Variants in IQSEC1 observed in about 807,000 individuals in gnomAD.
IQSEC1 encodes the protein IQ motif and SEC7 domain-containing protein 1.
IQSEC1 carries 31 observed loss-of-function variants against 91.0 expected under a neutral mutation model. That is an observed-to-expected ratio of 0.34 (90% CI 0.26 to 0.46). IQSEC1 has a LOEUF of 0.46. Among genes scored for constraint, IQSEC1 ranks in the 20% least tolerant of loss-of-function variants. The probability of loss-of-function intolerance (pLI) is 1.00; values close to 1 mark genes in which losing one functional copy is unlikely to be tolerated. For synonymous variants in IQSEC1, 699 were observed against 662.6 expected (o/e 1.05, Z -0.84); for missense variants, 1,388 against 1,575.6 (o/e 0.88, Z 2.02).
At chr3:13,097,527 G>T (rs989854975) in intron 2 of IQSEC1, among the ~76,000 whole-genome samples, 1 of 152,194 alleles carries the variant, frequency 6.6e-6, no homozygotes, top group African/African-American at 2.4e-5. Flanking sequence ...TCGAGCCTCA[G>T]TCTTTCCATC....
chr3:12,932,362 T>A (rs1398668665), intron 3 of IQSEC1, among the ~76,000 whole-genome samples: 1 of 152,154 alleles, frequency 6.6e-6, no homozygotes, highest in South Asian at 2.1e-4. Context: ...AGTTCCTACA[T>A]CATGGATTTT....
chr3:13,163,859 C>G (rs1290010004), intron 2 of IQSEC1, among the ~76,000 whole-genome samples: 1 of 152,156 alleles, frequency 6.6e-6, no homozygotes, highest in African/African-American at 2.4e-5. Flanking sequence ...TAGGTGATCT[C>G]TGCAGAGGTC....
chr3:13,115,058 G>C lies in IQSEC1; in HGVS notation c.302+49046C>G, dbSNP rs138074644. 3.3e-3 allele frequency among the ~76,000 whole-genome samples: 500 copies of C among 152,292 alleles called. 10 individuals carry two copies. The highest frequency in any genetic ancestry group is 0.029 in the East Asian group (152 of 5,170). ...GGCAGGGGGGCTGTGGGGGCTGGAAGCTCAGGTGCGGCCTTGAATGTAGAG... is the reference window on the plus strand; with the variant it reads ...GGCAGGGGGGCTGTGGGGGCTGGAACCTCAGGTGCGGCCTTGAATGTAGAG... On this transcript the variant is annotated intron_variant, in intron 2 of 15. Transcript: ENST00000648114.
At position 13,073,092 on chromosome 3, in the gene IQSEC1, G is replaced by C. The variant is rs1404199471; in HGVS notation, c.-78C>G. Reference sequence around the variant, plus strand: ...CAACGTGTTTCCAAGAGGAGCAGGCGGCTCAGGCAAGAAGTGGAGGGGAAT... The same window carrying C: ...CAACGTGTTTCCAAGAGGAGCAGGCCGCTCAGGCAAGAAGTGGAGGGGAAT... On this transcript the variant is annotated 5_prime_UTR_variant, in exon 1 of 14. Transcript: ENST00000613206. 6.6e-7 allele frequency: 1 copy of C among 1,524,880 alleles called. No individual in the cohort carries two copies. Among genetic ancestry groups the C allele is most frequent in the East Asian group, 2.5e-5 (1 of 40,780 alleles). 94.5% of individuals were successfully genotyped at this position (1,524,880 alleles called of 1,614,324 possible).
chr3:13,070,587 C>T (rs1705381196), intron 1 of IQSEC1, among the ~76,000 whole-genome samples: 1 of 152,190 alleles, frequency 6.6e-6, no homozygotes, highest in South Asian at 2.1e-4. Flanking sequence ...ACAGGCTTAT[C>T]AAGTGCAGCA....
At chr3:13,031,610 T>C (rs1030742037) in intron 1 of IQSEC1, among the ~76,000 whole-genome samples, 4 of 152,154 alleles carry the variant, frequency 2.6e-5, no homozygotes, top group African/African-American at 7.2e-5. Context: ...GAACCTACTG[T>C]GTGCCAGGCA....
chr3:13,082,514 C>T (rs1162742250), intron 2 of IQSEC1, among the ~76,000 whole-genome samples: 1 of 152,218 alleles, frequency 6.6e-6, no homozygotes, highest in African/African-American at 2.4e-5. Context: ...CTGAGCACTG[C>T]ATGGCCATAG....
At chr3:13,164,297 T>A (rs941685944) in intron 1 of IQSEC1, among the ~76,000 whole-genome samples, 2 of 152,208 alleles carry the variant, frequency 1.3e-5, no homozygotes, top group African/African-American at 4.8e-5. Flanking sequence ...CTCTTGCTGC[T>A]GTTCCTTTGA....
chr3:13,037,424 G>A (rs142621312), intron 1 of IQSEC1, among the ~76,000 whole-genome samples: 44 of 152,300 alleles, frequency 2.9e-4, no homozygotes, highest in African/African-American at 6.3e-4. Context: ...TACTTAGACC[G>A]GGGCATGGCT....
At chr3:12,913,368 A>G (rs2600322) in intron 9 of IQSEC1, 60 bp downstream of exon 9, 1,184,287 of 1,509,776 alleles carry the variant, frequency 0.78, 467,371 homozygotes, top group African/African-American at 0.93. Context: ...ACAGCCAGAC[A>G]TGGACCCTGG....
At chr3:12,912,890 G>A (rs143776733) in intron 9 of IQSEC1, among the ~76,000 whole-genome samples, 2 of 152,176 alleles carry the variant, frequency 1.3e-5, no homozygotes, top group Non-Finnish European at 2.9e-5. Flanking sequence ...TCAGTCCATA[G>A]GTCTTGCAGG....
intron 13 of IQSEC1, 113 bp from the exon 14 acceptor site, chr3:12,901,635 C>T (rs1488385219): frequency 2.2e-6 from 2 of 897,896 alleles, no homozygotes; most frequent in Non-Finnish European, 3.4e-6. Flanking sequence ...AGCTTTAGTT[C>T]AACTCACTGG....
chr3:13,234,009 G>A (rs867564699), intron 1 of IQSEC1, among the ~76,000 whole-genome samples: 3 of 152,246 alleles, frequency 2.0e-5, no homozygotes, highest in African/African-American at 4.8e-5. Flanking sequence ...TGACTGACAA[G>A]GCGAAACTGA....
At chr3:13,081,789 C>A (rs1576241359) in intron 2 of IQSEC1, among the ~76,000 whole-genome samples, 1 of 152,206 alleles carries the variant, frequency 6.6e-6, no homozygotes, top group Non-Finnish European at 1.5e-5. Flanking sequence ...GGCCCAGTGA[C>A]CTTGGGCGGG....
intron 1 of IQSEC1, among the ~76,000 whole-genome samples, chr3:13,050,257 G>T (rs145775458): frequency 5.9e-4 from 90 of 152,130 alleles, no homozygotes; most frequent in African/African-American, 2.1e-3. Flanking sequence ...TCTCCCTGCC[G>T]TCCTTTTTCA....
chr3:13,062,524 C>T (rs1705099466), intron 1 of IQSEC1, among the ~76,000 whole-genome samples: 1 of 152,070 alleles, frequency 6.6e-6, no homozygotes, highest in Non-Finnish European at 1.5e-5. Flanking sequence ...GCAGGGGAGG[C>T]ACAGAGAAAG....
intron 1 of IQSEC1, among the ~76,000 whole-genome samples, chr3:12,972,732 T>C (rs758953308): frequency 6.6e-6 from 1 of 152,170 alleles, no homozygotes; most frequent in Non-Finnish European, 1.5e-5. Context: ...ACACTGACAC[T>C]GACCCGAGGC....
rs563608950 is a variant in IQSEC1, at chr3:13,224,324, C to G, written c.272+58387G>C. On this transcript the variant is annotated intron_variant, in intron 1 of 15. Coordinates refer to the IQSEC1 transcript ENST00000648114. ...GCCCCCACACCCAATTATCAGGCCC[C>G]GAGAGGAAGGGTGGAAGGGCCTGGG... Among the ~76,000 whole-genome samples the G allele has an allele frequency of 4.6e-5, 7 of 152,152 alleles. No homozygotes were observed. The South Asian group carries it at 1.0e-3, about 23-fold the overall frequency.
At chr3:13,191,812 T>C (rs1694038403) in intron 1 of IQSEC1, among the ~76,000 whole-genome samples, 1 of 152,228 alleles carries the variant, frequency 6.6e-6, no homozygotes, top group East Asian at 1.9e-4. Flanking sequence ...AGTCCTTCTT[T>C]CCATGACAGT....
Sources: gnomAD v4.1 joint callset for allele counts (sites outside exome capture counted in the v4.1 genomes callset) on GRCh38, gnomAD v4.1.1 for gene constraint, MANE v1.5 for transcripts, NCBI Gene and HGNC (gene_info 2026-07-23, HGNC 2026-07-21) for gene names.